The following PTPRD variants were observed in gnomAD, a reference collection of about 807,000 sequenced individuals.
PTPRD encodes the protein protein tyrosine phosphatase receptor type D, also known as receptor-type tyrosine-protein phosphatase delta.
PTPRD carries 34 observed loss-of-function variants against 214.5 expected under a neutral mutation model. The observed-to-expected ratio is 0.16, with a 90% CI of 0.12 to 0.21. PTPRD has a LOEUF of 0.21. Ranked by LOEUF, PTPRD falls within the 10% of genes least tolerant of loss-of-function variation. The pLI is 1.00. For synonymous variants in PTPRD, 1,128 were observed against 845.7 expected (o/e 1.33, Z -5.79); for missense variants, 2,545 against 2,398.7 (o/e 1.06, Z -1.27).
At chr9:9,041,014 C>T (rs758207110) in intron 10 of PTPRD, among the ~76,000 whole-genome samples, 1 of 152,090 alleles carries the variant, frequency 6.6e-6, no homozygotes, top group Non-Finnish European at 1.5e-5. Context: ...GTCTTAACTA[C>T]ACTGAAAACT....
intron 13 of PTPRD, among the ~76,000 whole-genome samples, chr9:8,635,565 T>A (rs745375484): frequency 6.6e-6 from 1 of 152,122 alleles, no homozygotes; most frequent in Non-Finnish European, 1.5e-5. Context: ...TTAATTAGGT[T>A]CTCTATACAT....
intron 2 of PTPRD, among the ~76,000 whole-genome samples, chr9:10,356,841 G>A (rs540815640): frequency 5.9e-5 from 9 of 151,750 alleles, no homozygotes; most frequent in African/African-American, 9.7e-5. Context: ...CACCATGCCC[G>A]GCTAATTTTT....
chr9:10,211,962 AAAC>A (rs1421358292), intron 3 of PTPRD, among the ~76,000 whole-genome samples: 1 of 152,158 alleles, frequency 6.6e-6, no homozygotes, highest in Non-Finnish European at 1.5e-5. Context: ...ACATTTTTTA[AAAC>A]AAGATACAGC....
intron 10 of PTPRD, among the ~76,000 whole-genome samples, chr9:9,171,740 A>G (rs959826711): frequency 5.3e-5 from 8 of 152,188 alleles, no homozygotes; most frequent in Non-Finnish European, 5.9e-5. Flanking sequence ...TATTTTATAT[A>G]TATATGAAAA....
intron 14 of PTPRD, among the ~76,000 whole-genome samples, chr9:8,533,014 T>C (rs544817582): frequency 5.6e-4 from 85 of 152,176 alleles, no homozygotes; most frequent in African/African-American, 1.9e-3. Context: ...ATGAGGAAAA[T>C]AGTCTGACAC....
chr9:8,528,947 G>A (rs2074964864), intron 14 of PTPRD, among the ~76,000 whole-genome samples, 168 bp from the exon 15 acceptor site: 1 of 152,136 alleles, frequency 6.6e-6, no homozygotes. Context: ...CTGATCAGAA[G>A]AGTAAACACT....
At chr9:9,391,376 T>C (rs1250782622) in intron 9 of PTPRD, among the ~76,000 whole-genome samples, 1 of 152,182 alleles carries the variant, frequency 6.6e-6, no homozygotes, top group South Asian at 2.1e-4. Context: ...ATAAAAAATA[T>C]AAGACTTGAT....
intron 11 of PTPRD, among the ~76,000 whole-genome samples, chr9:8,913,755 T>G (rs2098764752): frequency 1.3e-5 from 2 of 152,108 alleles, no homozygotes; most frequent in Admixed American, 6.6e-5. Context: ...GCTATCAATA[T>G]TCTGCAAATA....
At chr9:9,423,548 C>A (rs376275057) in intron 8 of PTPRD, among the ~76,000 whole-genome samples, 2 of 151,984 alleles carry the variant, frequency 1.3e-5, no homozygotes, top group African/African-American at 4.8e-5. Context: ...CAAAAAATGC[C>A]GTGAGAATAA....
rs73428138 is a variant in PTPRD, at chr9:8,317,097, C to T, written c.*777G>A. 463 of 231,576 alleles carry T rather than the reference C, an allele frequency of 2.0e-3. 2 individuals are homozygous for T. Among genetic ancestry groups the T allele is most frequent in the African/African-American group, 9.9e-3 (445 of 45,154 alleles). The allele number at this position is 231,576 out of a possible 1,614,324, so 14.3% of individuals were successfully genotyped here. ...ATGGGTACTTTCTCACCAATCAAAA[C>T]TGAAGTGTAAAATTAATATATCTGA... On this transcript the variant is annotated 3_prime_UTR_variant, in exon 46 of 46. Transcript: ENST00000381196.
chr9:8,696,947 G>A (rs184180487), intron 12 of PTPRD, among the ~76,000 whole-genome samples: 9 of 150,884 alleles, frequency 6.0e-5, no homozygotes, highest in African/African-American at 1.2e-4. Flanking sequence ...TTCCAATAAC[G>A]GTTTCTTCAT....
chr9:10,284,084 G>A (rs910204924), intron 3 of PTPRD, among the ~76,000 whole-genome samples: 5 of 152,092 alleles, frequency 3.3e-5, no homozygotes, highest in Non-Finnish European at 7.4e-5. Flanking sequence ...GACATTCTGT[G>A]ATTATTAGAA....
intron 10 of PTPRD, among the ~76,000 whole-genome samples, chr9:9,025,639 C>T (rs2099584464): frequency 6.6e-6 from 1 of 151,842 alleles, no homozygotes; most frequent in African/African-American, 2.4e-5. Context: ...TGTTCACTAT[C>T]TCATGTAACA....
At chr9:9,080,982 G>A (rs2099758193) in intron 10 of PTPRD, among the ~76,000 whole-genome samples, 1 of 151,784 alleles carries the variant, frequency 6.6e-6, no homozygotes, top group African/African-American at 2.4e-5. Context: ...GGTTTTTCAT[G>A]TCTCTATCTC....
intron 2 of PTPRD, among the ~76,000 whole-genome samples, chr9:10,485,041 A>C (rs1350465285): frequency 2.0e-5 from 3 of 151,464 alleles, no homozygotes; most frequent in African/African-American, 7.3e-5. Flanking sequence ...TTTTTTTTGC[A>C]TATGAAAGGA....
intron 9 of PTPRD, among the ~76,000 whole-genome samples, chr9:9,288,825 C>G (rs1004413060): frequency 4.0e-5 from 6 of 151,744 alleles, no homozygotes; most frequent in African/African-American, 1.5e-4. Flanking sequence ...TCGTGATGTT[C>G]TCATGATAGT....
chr9:9,128,961 T>C (rs534164580), intron 10 of PTPRD, among the ~76,000 whole-genome samples: 18 of 152,338 alleles, frequency 1.2e-4, no homozygotes, highest in Non-Finnish European at 1.2e-4. Flanking sequence ...AATAAATGAA[T>C]ACTTAGCAAG....
intron 4 of PTPRD, among the ~76,000 whole-genome samples, chr9:9,954,297 C>CCAAAAAAAAA (rs1555388978): frequency 3.7e-5 from 2 of 53,776 alleles, no homozygotes; most frequent in African/African-American, 1.0e-4. Context: ...TGTCTCAAAA[C>CCAAAAAAAAA]AAAAAAAAAA....
intron 3 of PTPRD, among the ~76,000 whole-genome samples, chr9:10,273,087 C>T (rs1285639513): frequency 6.6e-6 from 1 of 152,140 alleles, no homozygotes; most frequent in Admixed American, 6.5e-5. Flanking sequence ...CTCTAATTTC[C>T]AGTTCTGATA....
Sources: gnomAD v4.1 joint callset for allele counts (sites outside exome capture counted in the v4.1 genomes callset) on GRCh38, gnomAD v4.1.1 for gene constraint, MANE v1.5 for transcripts, NCBI Gene and HGNC (gene_info 2026-07-23, HGNC 2026-07-21) for gene names.